The following RSRC1 variants were observed in gnomAD, a reference collection of about 807,000 sequenced individuals.
RSRC1 encodes the protein arginine and serine rich coiled-coil 1, also known as serine/Arginine-related protein 53.
Under a neutral mutation model 49.1 loss-of-function variants are expected in RSRC1, and 39 were observed. That is an observed-to-expected ratio of 0.79 (90% CI 0.61 to 1.04). The LOEUF (loss-of-function observed/expected upper bound fraction) is 1.04, where lower values mean the gene tolerates loss of function less well. RSRC1 is among the 50% of genes least tolerant of loss of function. RSRC1 has a pLI of 0.00. For synonymous variants in RSRC1, 143 were observed against 130.8 expected, an observed-to-expected ratio of 1.09 and a Z score of -0.63; for missense variants, 388 against 402.4, an observed-to-expected ratio of 0.96 and a Z score of 0.31.
intron 3 of RSRC1, among the ~76,000 whole-genome samples, chr3:158,154,472 T>C (rs1163966365): frequency 6.6e-6 from 1 of 151,832 alleles, no homozygotes; most frequent in Non-Finnish European, 1.5e-5. Flanking sequence ...ATAGAACTTT[T>C]TTTTTTTTTT....
At chr3:158,332,432 C>T (rs1325111850) in intron 5 of RSRC1, among the ~76,000 whole-genome samples, 1 of 105,372 alleles carries the variant, frequency 9.5e-6, no homozygotes, top group Non-Finnish European at 2.0e-5. Flanking sequence ...AGTTTCACCT[C>T]TTAAAATAAA....
In RSRC1 at chr3:158,379,262, G is replaced by A. The variant is rs1474044440; in HGVS notation, c.583+24354G>A. ...GTCGCCCAGGCTGGAGTGCAGTGGC[G>A]CGATCTCAGCTCACTGCAAGCTCCG... On this transcript the variant is annotated intron_variant, in intron 6 of 9. Transcript: ENST00000611884. Among the ~76,000 whole-genome samples the A allele has an allele frequency of 2.1e-5, 3 of 144,974 alleles. No homozygotes were observed. The Admixed American group carries it at 2.1e-4, about 10-fold the overall frequency.
chr3:158,187,637 G>A (rs1720003916), intron 3 of RSRC1, among the ~76,000 whole-genome samples: 1 of 151,928 alleles, frequency 6.6e-6, no homozygotes, highest in Non-Finnish European at 1.5e-5. Flanking sequence ...AAGGACAGTC[G>A]ATCCTGGTTT....
At chr3:158,377,959 C>T (rs912212717) in intron 6 of RSRC1, among the ~76,000 whole-genome samples, 1 of 152,154 alleles carries the variant, frequency 6.6e-6, no homozygotes, top group Non-Finnish European at 1.5e-5. Context: ...CCGCGCCCTG[C>T]CCCAGTATTC....
intron 7 of RSRC1, among the ~76,000 whole-genome samples, chr3:158,463,032 T>C (rs1160394080): frequency 6.6e-6 from 1 of 152,058 alleles, no homozygotes; most frequent in Non-Finnish European, 1.5e-5. Context: ...TGTTGCATGA[T>C]GAATGAATAA....
intron 7 of RSRC1, among the ~76,000 whole-genome samples, chr3:158,510,201 T>C (rs1166712356): frequency 6.6e-6 from 1 of 152,224 alleles, no homozygotes. Flanking sequence ...CCAAGATTAC[T>C]AATGGGCTTG....
chr3:158,126,697 G>T (rs1715648823), intron 3 of RSRC1, among the ~76,000 whole-genome samples: 1 of 152,006 alleles, frequency 6.6e-6, no homozygotes, highest in Admixed American at 6.6e-5. Context: ...ATGTACTTTT[G>T]TGTTGCTGTC....
In RSRC1 at chr3:158,266,102, A is replaced by T. The variant is rs142797948; in HGVS notation, c.495-31937A>T. On this transcript the variant is annotated intron_variant, in intron 4 of 9. Coordinates refer to ENST00000611884, the MANE Select transcript of RSRC1 (RefSeq NM_001271838.2). ...AACAGTATAGTACAGTATGATTATT[A>T]TGCTATGAAGCAGTTGATTTTTAAA... Among the ~76,000 whole-genome samples, 158 of 152,268 alleles carry T rather than the reference A, an allele frequency of 1.0e-3. 1 individual carries two copies. The East Asian group carries it at 0.026, about 25-fold the overall frequency.
At position 158,412,431 on chromosome 3, in the gene RSRC1, C is replaced by G. The variant is rs1019214783; in HGVS notation, c.584-48504C>G. Among the ~76,000 whole-genome samples, 20 of 152,258 alleles carry G rather than the reference C, an allele frequency of 1.3e-4. 1 individual carries two copies. In the South Asian group the frequency reaches 2.9e-3, roughly 22 times the overall value. ...AAAATTTTGCCTATTCTTTAAGACT[C>G]ACTTCAAGTGTCACCTTCTTTTGGG... On this transcript the variant is annotated intron_variant, in intron 6 of 9. Transcript: ENST00000611884.
intron 5 of RSRC1, among the ~76,000 whole-genome samples, chr3:158,329,476 G>A (rs894955625): frequency 3.3e-5 from 5 of 152,216 alleles, no homozygotes; most frequent in South Asian, 2.1e-4. Context: ...TCAGCTGCAC[G>A]TCTGTTGGCG....
chr3:158,148,350 GGTGTGTGTGTGTGTGCGTGTGT>G (rs1399351067), intron 3 of RSRC1, among the ~76,000 whole-genome samples: 1 of 118,864 alleles, frequency 8.4e-6, no homozygotes, highest in Non-Finnish European at 1.7e-5. Flanking sequence ...GTTCTTAAAA[GGTGTGTGTGTGTGTGCGTGTGT>G]GTGTGTGTGT....
chr3:158,143,852 A>G (rs1391196886), intron 3 of RSRC1, among the ~76,000 whole-genome samples: 1 of 152,220 alleles, frequency 6.6e-6, no homozygotes, highest in Non-Finnish European at 1.5e-5. Flanking sequence ...GCAATGCCAA[A>G]GGCTCTAGTA....
intron 7 of RSRC1, among the ~76,000 whole-genome samples, chr3:158,467,683 T>G (rs985576470): frequency 3.3e-5 from 5 of 152,168 alleles, no homozygotes; most frequent in Non-Finnish European, 7.4e-5. Flanking sequence ...GATATAGTAA[T>G]GTATAGTTAT....
At chr3:158,400,960 T>C (rs1161791948) in intron 6 of RSRC1, among the ~76,000 whole-genome samples, 1 of 152,044 alleles carries the variant, frequency 6.6e-6, no homozygotes, top group African/African-American at 2.4e-5. Flanking sequence ...TTTTTAATCA[T>C]TTATACAATA....
At chr3:158,374,357 G>A (rs1732239141) in intron 6 of RSRC1, among the ~76,000 whole-genome samples, 1 of 152,130 alleles carries the variant, frequency 6.6e-6, no homozygotes, top group Non-Finnish European at 1.5e-5. Context: ...CAGAGGTATA[G>A]AGTGAGACAA....
intron 7 of RSRC1, among the ~76,000 whole-genome samples, chr3:158,516,385 G>T (rs1232114364): frequency 6.6e-6 from 1 of 152,090 alleles, no homozygotes; most frequent in Non-Finnish European, 1.5e-5. Flanking sequence ...CCCTGCTGGG[G>T]GGTGCCTCCC....
chr3:158,445,398 G>GC (rs1736646138), intron 6 of RSRC1, among the ~76,000 whole-genome samples: 1 of 151,818 alleles, frequency 6.6e-6, no homozygotes, highest in Admixed American at 6.6e-5. Flanking sequence ...GCAAACTATC[G>GC]CAAGGACAAA....
intron 3 of RSRC1, among the ~76,000 whole-genome samples, chr3:158,197,806 G>A (rs144612651): frequency 0.12 from 18,362 of 152,200 alleles, 1,372 homozygotes; most frequent in Middle Eastern, 0.2. Context: ...GCGGTTTTGA[G>A]TGAGTTTCTT....
At chr3:158,306,308 A>T (rs944107392) in intron 5 of RSRC1, among the ~76,000 whole-genome samples, 3 of 151,946 alleles carry the variant, frequency 2.0e-5, no homozygotes, top group African/African-American at 7.2e-5. Flanking sequence ...AAATACAGTC[A>T]TACTATGTAT....
Sources: gnomAD v4.1 joint callset for allele counts (sites outside exome capture counted in the v4.1 genomes callset) on GRCh38, gnomAD v4.1.1 for gene constraint, MANE v1.5 for transcripts, NCBI Gene and HGNC (gene_info 2026-07-23, HGNC 2026-07-21) for gene names.